USP6NL: variants seen among roughly 807,000 people sequenced by gnomAD.
USP6NL encodes the protein USP6 N-terminal like.
USP6NL carries 26 observed loss-of-function variants against 61.9 expected under a neutral mutation model. The observed-to-expected ratio is 0.42, with a 90% CI of 0.31 to 0.58. The LOEUF is 0.58. Among genes scored for constraint, USP6NL ranks in the 20% least tolerant of loss-of-function variants. The pLI, the probability that USP6NL is intolerant of heterozygous loss-of-function variation, is 0.16. For synonymous variants in USP6NL, 432 were observed against 390.1 expected (o/e 1.11, Z -1.27); for missense variants, 1,114 against 1,034.3 (o/e 1.08, Z -1.06).
chr10:11,581,107 A>G (rs972902913), intron 2 of USP6NL, among the ~76,000 whole-genome samples: 2 of 152,118 alleles, frequency 1.3e-5, no homozygotes, highest in Non-Finnish European at 2.9e-5. Flanking sequence ...GTCAATACAC[A>G]TCTCTAATAG....
Position 11,481,708 on chromosome 10 carries a change from A to G in USP6NL, c.1078+62T>C, listed in dbSNP as rs770349036. ...TGTGGGCAAGAAACAGCCCATGTTA[A>G]TTATGCCATGTCTTCCAATCTTAAT... On this transcript the variant is annotated intron_variant, in intron 14 of 14. Transcript: ENST00000609104. This position sits in a 1 kb window ranked among gnomAD's most constrained non-coding sequence, Gnocchi z 4.4. 9.9e-6 allele frequency: 15 copies of G among 1,509,282 alleles called. No individual in the cohort carries two copies. The highest frequency in any genetic ancestry group is 1.2e-5 in the Non-Finnish European group (14 of 1,128,920). The allele number at this position is 1,509,282 out of a possible 1,614,324, so 93.5% of individuals were successfully genotyped here. A position where few individuals can be genotyped will look rare whatever the true frequency, so the allele number is the denominator to read the frequency against.
intron 6 of USP6NL, among the ~76,000 whole-genome samples, chr10:11,504,726 G>A (rs1834361636): frequency 6.6e-6 from 1 of 152,214 alleles, no homozygotes; most frequent in South Asian, 2.1e-4. Context: ...AAAGATCTGT[G>A]GAGCTCACAG....
At chr10:11,557,350 C>T (rs189952954) in intron 2 of USP6NL, among the ~76,000 whole-genome samples, 1 of 152,166 alleles carries the variant, frequency 6.6e-6, no homozygotes, top group East Asian at 1.9e-4. Flanking sequence ...AGTACAATAC[C>T]CAACACTTAA....
rs191110471 is a variant in USP6NL, at chr10:11,494,301, G to T, written c.385-1073C>A. 2.5e-3 allele frequency among the ~76,000 whole-genome samples: 381 copies of T among 152,236 alleles called. 2 individuals are homozygous for T. Among genetic ancestry groups the T allele is most frequent in the Non-Finnish European group, 4.2e-3 (286 of 68,018 alleles). On this transcript the variant is annotated intron_variant, in intron 7 of 14. Coordinates refer to ENST00000609104, the MANE Select transcript of USP6NL (RefSeq NM_014688.5). Reference sequence around the variant, plus strand: ...TTGAAACTTCACATTTCAGTACTGGGTTTGGATCTATTTTTATCCACAGGG... The same window carrying T: ...TTGAAACTTCACATTTCAGTACTGGTTTTGGATCTATTTTTATCCACAGGG...
At chr10:11,577,696 C>T (rs1837601597) in intron 2 of USP6NL, among the ~76,000 whole-genome samples, 1 of 151,470 alleles carries the variant, frequency 6.6e-6, no homozygotes, top group South Asian at 2.1e-4. Context: ...AGGGTTTCAC[C>T]ATGTTGGTTG....
chr10:11,548,035 A>T lies in USP6NL; in HGVS notation c.5-20468T>A, dbSNP rs1836349444. Among the ~76,000 whole-genome samples, 1 of 152,238 alleles carries T rather than the reference A, an allele frequency of 6.6e-6. No homozygotes were observed. The highest frequency in any genetic ancestry group is 6.5e-5 in the Admixed American group (1 of 15,280). ...GATATCCCCTCGATAACATCTCTTAATAAGTGATCACTCAATTTCTCCTTA... is the reference window on the plus strand; with the variant it reads ...GATATCCCCTCGATAACATCTCTTATTAAGTGATCACTCAATTTCTCCTTA... On this transcript the variant is annotated intron_variant, in intron 2 of 14. Coordinates refer to ENST00000609104, the MANE Select transcript of USP6NL (RefSeq NM_014688.5). This position sits in a 1 kb window ranked among gnomAD's most constrained non-coding sequence, Gnocchi z 4.3.
chr10:11,488,907 A>G (rs1833591086), intron 10 of USP6NL, among the ~76,000 whole-genome samples, 195 bp downstream of exon 10: 1 of 152,270 alleles, frequency 6.6e-6, no homozygotes, highest in Admixed American at 6.5e-5. Context: ...AAGACAAAGG[A>G]AAATAAATGT....
At position 11,501,214 on chromosome 10, in the gene USP6NL, T is replaced by C. The variant is rs1294171620; in HGVS notation, c.277-6A>G. 1 of 1,600,584 alleles carries C rather than the reference T, an allele frequency of 6.2e-7. No homozygotes were observed. The highest frequency in any genetic ancestry group is 1.8e-5 in the Admixed American group (1 of 56,994). On this transcript the variant is annotated splice_region_variant and splice_polypyrimidine_tract_variant and intron_variant, in intron 6 of 14. Coordinates refer to ENST00000609104, the MANE Select transcript of USP6NL (RefSeq NM_014688.5). ...TTGTAAATTCGCCTATGAAACTTAT[T>C]AAAAGAAAAAGAAACTGAAGGTTAC...
chr10:11,525,500 A>G lies in USP6NL; in HGVS notation c.73-32T>C. The G allele has an allele frequency of 6.6e-7, 1 of 1,523,018 alleles. No homozygotes were observed. The highest frequency in any genetic ancestry group is 8.8e-7 in the Non-Finnish European group (1 of 1,137,170). 94.3% of individuals were successfully genotyped at this position (1,523,018 alleles called of 1,614,324 possible). A position where few individuals can be genotyped will look rare whatever the true frequency, so the allele number is the denominator to read the frequency against. ...TAAGGCACAAAAAAAGGTGTTAATC[A>G]GAGTTTATAAAACTGAATAATTTTT... is the stretch of plus-strand genomic sequence containing the variant. On this transcript the variant is annotated intron_variant, in intron 3 of 14. Transcript: ENST00000609104. This position sits in a 1 kb window ranked among gnomAD's most constrained non-coding sequence, Gnocchi z 5.0.
intron 2 of USP6NL, among the ~76,000 whole-genome samples, chr10:11,547,718 T>C (rs1836329018): frequency 6.6e-6 from 1 of 152,080 alleles, no homozygotes; most frequent in South Asian, 2.1e-4. Flanking sequence ...TTTTTTGTAT[T>C]TTTAGTAGAG....
At chr10:11,543,289 C>T (rs916884033) in intron 2 of USP6NL, among the ~76,000 whole-genome samples, 3 of 152,202 alleles carry the variant, frequency 2.0e-5, no homozygotes, top group African/African-American at 7.2e-5. Context: ...CACCTGTAAT[C>T]CCAGCACTTT....
intron 2 of USP6NL, among the ~76,000 whole-genome samples, chr10:11,542,240 G>A (rs1342270526): frequency 1.3e-5 from 2 of 152,074 alleles, no homozygotes; most frequent in Non-Finnish European, 2.9e-5. Context: ...TACAAAGACA[G>A]ATAAAACAGT....
intron 14 of USP6NL, among the ~76,000 whole-genome samples, chr10:11,467,474 T>C (rs1411114409): frequency 6.6e-6 from 1 of 152,160 alleles, no homozygotes; most frequent in African/African-American, 2.4e-5. Context: ...TGCAAAATAT[T>C]TGCTATAAGG....
intron 5 of USP6NL, among the ~76,000 whole-genome samples, 174 bp from the exon 6 acceptor site, chr10:11,509,849 T>C (rs1309414500): frequency 6.6e-6 from 1 of 152,216 alleles, no homozygotes. Flanking sequence ...TACTAGTCCA[T>C]AGCTAAAGTT....
intron 7 of USP6NL, among the ~76,000 whole-genome samples, chr10:11,497,884 G>C (rs1321393640): frequency 6.6e-6 from 1 of 151,976 alleles, no homozygotes; most frequent in East Asian, 1.9e-4. Flanking sequence ...TTAAAAAATG[G>C]GATCAAATGA....
chr10:11,581,571 G>GA (rs778011157), intron 2 of USP6NL, among the ~76,000 whole-genome samples: 178 of 152,210 alleles, frequency 1.2e-3, no homozygotes, highest in Non-Finnish European at 1.9e-3. Context: ...TAAATGAGAT[G>GA]AAAAAAATGT....
chr10:11,462,951 G>A lies in USP6NL; in HGVS notation c.1977C>T (p.Ser659=), dbSNP rs775793492. ...ANSSFASPQF[S]PGTQLNPSRR... is the part of the protein sequence containing the mutation. ...TGGAAGGATTCAGTTGAGTCCCAGG[G>A]CTAAACTGTGGAGAAGCAAAGCTGC... The change falls in exon 15 of 15, where the codon AGC becomes AGT. Residue 659 remains serine, a synonymous_variant. Coordinates refer to ENST00000609104, the MANE Select transcript of USP6NL (RefSeq NM_014688.5). 4 of 1,613,614 alleles carry A rather than the reference G, an allele frequency of 2.5e-6. No individual in the cohort carries two copies. In the African/African-American group the frequency reaches 4.0e-5, roughly 16 times the overall value.
chr10:11,573,750 T>C (rs1837442940), intron 2 of USP6NL: 1 of 398,340 alleles, frequency 2.5e-6, no homozygotes. Flanking sequence ...CAGAAGCTCA[T>C]TTCTGCTTTC....
At chr10:11,505,450 A>C (rs574904705) in intron 6 of USP6NL, among the ~76,000 whole-genome samples, 40 of 152,360 alleles carry the variant, frequency 2.6e-4, no homozygotes, top group African/African-American at 5.8e-4. Context: ...CTAGCTCAAA[A>C]GAAACTGTGT....
Sources: allele counts gnomAD v4.1 joint callset (sites outside exome capture counted in the v4.1 genomes callset), GRCh38; gene constraint gnomAD v4.1.1; non-coding constraint Gnocchi (gnomAD v3.1); transcripts MANE v1.5; gene names NCBI Gene and HGNC (gene_info 2026-07-23, HGNC 2026-07-21).